SDSL: variants seen among roughly 807,000 people sequenced by gnomAD.
SDSL encodes the protein serine dehydratase-like.
Under a neutral mutation model 27.6 loss-of-function variants are expected in SDSL, and 26 were observed. The observed-to-expected ratio is 0.94, with a 90% CI of 0.69 to 1.31. The LOEUF (loss-of-function observed/expected upper bound fraction) is 1.31. SDSL is among the 50% of genes most tolerant of loss of function. SDSL has a pLI of 0.00. For missense variants in SDSL, 431 were observed against 423.5 expected (o/e 1.02, Z -0.16); for synonymous variants, 196 against 180.6 (o/e 1.09, Z -0.69).
In SDSL at chr12:113,436,762, G is replaced by A; in HGVS notation, c.683G>A (p.Ser228Asn). 3 of 1,608,304 alleles carry A rather than the reference G, an allele frequency of 1.9e-6. No individual in the cohort carries two copies. The highest frequency in any genetic ancestry group is 2.5e-6 in the Non-Finnish European group (3 of 1,178,914). The change falls in exon 7 of 8, where the codon AGC (serine) becomes AAC (asparagine). Residue 228 changes from serine (S) to asparagine (N), a missense_variant. Physicochemically the swap from Ser to Asn is conservative, Grantham distance 46. Coordinates refer to ENST00000403593, the MANE Select transcript of SDSL (RefSeq NM_001304993.2). ...TLPDITSVAK[S>N]LGAKTVAARA... ...GCTCTATCCTGCAGTGTGGCCAAGA[G>A]CCTGGGTGCCAAGACGGTGGCCGCT...
chr12:113,422,826 CT>C (rs1461086732), intron 1 of SDSL: 1 of 152,322 alleles, frequency 6.6e-6, no homozygotes, highest in African/African-American at 2.4e-5. Flanking sequence ...TGGGGAAAGG[CT>C]TTGGGGACAA....
At chr12:113,425,601 C>CTT in intron 1 of SDSL, 1 of 447,142 alleles carries the variant, frequency 2.2e-6, no homozygotes, top group Admixed American at 2.4e-5. Flanking sequence ...GTATTTTTTC[C>CTT]TTTTTTTTTC....
At chr12:113,425,650 C>A (rs773833706) in intron 1 of SDSL, 1 of 455,376 alleles carries the variant, frequency 2.2e-6, no homozygotes, top group South Asian at 1.6e-5. Flanking sequence ...TCCATCTCTT[C>A]TTTTCGTCCT....
chr12:113,429,235 G>T lies in SDSL; in HGVS notation c.290G>T (p.Ser97Ile), dbSNP rs761433763. 6 of 1,613,724 alleles carry T rather than the reference G, an allele frequency of 3.7e-6. No homozygotes were observed. Among genetic ancestry groups the T allele is most frequent in the Non-Finnish European group, 5.1e-6 (6 of 1,179,850 alleles). Residue 97 changes from serine (S) to isoleucine (I), a missense_variant, in exon 4 of 8, where the codon AGC becomes ATC. Transcript: ENST00000403593. Reference sequence around the variant, plus strand: ...CCTGCCACCATCGTGCTCCCCGAGAGCACCTCCCTGCAGGTGGTGCAGAGG... The same window carrying T: ...CCTGCCACCATCGTGCTCCCCGAGATCACCTCCCTGCAGGTGGTGCAGAGG... ...GIPATIVLPE[S>I]TSLQVVQRLQ... is the part of the protein sequence containing the mutation.
intron 4 of SDSL, among the ~76,000 whole-genome samples, chr12:113,430,482 C>T (rs569706443): frequency 1.3e-5 from 2 of 152,214 alleles, no homozygotes; most frequent in South Asian, 4.2e-4. Context: ...GGTGGTTCTG[C>T]TTTGGAATGT....
At chr12:113,425,271 T>G (rs1251158779) in intron 1 of SDSL, among the ~76,000 whole-genome samples, 1 of 152,148 alleles carries the variant, frequency 6.6e-6, no homozygotes, top group Non-Finnish European at 1.5e-5. Flanking sequence ...GGATCAGTGA[T>G]GACCCATGGG....
chr12:113,435,586 G>C (rs757690315), intron 6 of SDSL, 30 bp downstream of exon 6: 5 of 1,577,440 alleles, frequency 3.2e-6, no homozygotes, highest in Non-Finnish European at 4.3e-6. Flanking sequence ...ATTTGTAGGG[G>C]CTGGAGGGTG....
At chr12:113,424,101 G>A (rs569778382) in intron 1 of SDSL, among the ~76,000 whole-genome samples, 13 of 152,126 alleles carry the variant, frequency 8.5e-5, no homozygotes, top group African/African-American at 2.9e-4. Flanking sequence ...TCGCCTCACC[G>A]CAACCTCGCC....
rs1958023830 is a variant in SDSL at position 113,438,064 on chromosome 12, C to G, written c.975C>G (p.His325Gln). Residue 325 changes from histidine (H) to glutamine (Q), a missense_variant, in exon 8 of 8, where the codon CAC (histidine) becomes CAG (glutamine). Coordinates refer to ENST00000403593, the MANE Select transcript of SDSL (RefSeq NM_001304993.2). ...GAGAGCTGCAGGCTTTGAAAACCCACCTGGGCCAGGTCTGAGGGGTCCCAT... is the reference window on the plus strand; with the variant it reads ...GAGAGCTGCAGGCTTTGAAAACCCAGCTGGGCCAGGTCTGAGGGGTCCCAT... ...NSRELQALKT[H>Q]LGQV The G allele has an allele frequency of 6.2e-7, 1 of 1,613,772 alleles. No individual in the cohort carries two copies. The highest frequency in any genetic ancestry group is 8.5e-7 in the Non-Finnish European group (1 of 1,179,826).
At chr12:113,436,293 A>AT (rs1180862493) in intron 6 of SDSL, among the ~76,000 whole-genome samples, 3,013 of 144,072 alleles carry the variant, frequency 0.021, 49 homozygotes, top group African/African-American at 0.046. Context: ...GTGGATGAGC[A>AT]TTTTTTTTTT....
Position 113,435,316 on chromosome 12 carries a change from C to A in SDSL, c.444-13C>A. On this transcript the variant is annotated splice_polypyrimidine_tract_variant and intron_variant, in intron 5 of 7. Coordinates refer to ENST00000403593, the MANE Select transcript of SDSL (RefSeq NM_001304993.2). Reference sequence around the variant, plus strand: ...CCCTCACTCTGCTTCTCCCTCTCACCCCCCCTCCCCAGGAAAGGCCACGCC... The same window carrying A: ...CCCTCACTCTGCTTCTCCCTCTCACACCCCCTCCCCAGGAAAGGCCACGCC... 1 of 1,485,058 alleles carries A rather than the reference C, an allele frequency of 6.7e-7. No homozygotes were observed. Among genetic ancestry groups the A allele is most frequent in the Non-Finnish European group, 9.0e-7 (1 of 1,112,600 alleles). The allele number at this position is 1,485,058 out of a possible 1,614,324, so 92.0% of individuals were successfully genotyped here.
Position 113,435,434 on chromosome 12 carries a change from G to A in SDSL, c.549G>A (p.Val183=). The A allele has an allele frequency of 2.5e-6, 4 of 1,613,780 alleles. No homozygotes were observed. The highest frequency in any genetic ancestry group is 3.4e-6 in the Non-Finnish European group (4 of 1,179,874). ...VGGGGLLAGV[V]AGLLEVGWQH... The stretch of plus-strand genomic sequence containing the variant: ...GTGGGGGTCTCCTGGCCGGGGTGGT[G>A]GCTGGCCTGCTGGAGGTGGGCTGGC... The change falls in exon 6 of 8, where the codon GTG becomes GTA. Residue 183 remains valine (V), a synonymous_variant. Coordinates refer to ENST00000403593, the MANE Select transcript of SDSL (RefSeq NM_001304993.2).
intron 1 of SDSL, among the ~76,000 whole-genome samples, chr12:113,423,564 A>C (rs971439418): frequency 6.6e-6 from 1 of 152,146 alleles, no homozygotes; most frequent in Non-Finnish European, 1.5e-5. Context: ...ACAACTCAGC[A>C]AAACTGCATC....
intron 1 of SDSL, chr12:113,426,211 G>T (rs961970836): frequency 1.5e-5 from 7 of 455,820 alleles, no homozygotes; most frequent in South Asian, 1.1e-4. Flanking sequence ...TCTCCCTCGA[G>T]GTGGTCCTGG....
chr12:113,437,677 TAG>T (rs1262424397), intron 7 of SDSL, among the ~76,000 whole-genome samples: 4 of 151,920 alleles, frequency 2.6e-5, no homozygotes, highest in East Asian at 3.9e-4. Context: ...GATGGATGGA[TAG>T]AGAGATAAAA....
intron 5 of SDSL, 132 bp from the exon 6 acceptor site, chr12:113,435,196 TG>T: frequency 1.8e-6 from 1 of 551,746 alleles, no homozygotes; most frequent in Non-Finnish European, 3.2e-6. Flanking sequence ...GTGGATGGGA[TG>T]GGGATGGTGG....
intron 7 of SDSL, 51 bp from the exon 8 acceptor site, chr12:113,437,835 G>A (rs746461054): frequency 1.3e-5 from 20 of 1,512,726 alleles, no homozygotes; most frequent in East Asian, 4.6e-5. Context: ...GCTGAGCACC[G>A]AGTGGTTCTT....
chr12:113,434,027 C>T, intron 4 of SDSL, 107 bp from the exon 5 acceptor site: 3 of 880,030 alleles, frequency 3.4e-6, no homozygotes, highest in Non-Finnish European at 5.4e-6. Context: ...CAGGGCTGTC[C>T]CCAGACTACT....
intron 4 of SDSL, among the ~76,000 whole-genome samples, chr12:113,430,253 GATT>G (rs1460657733): frequency 3.9e-5 from 6 of 152,150 alleles, no homozygotes; most frequent in Admixed American, 3.9e-4. Context: ...ATAAATTTGA[GATT>G]ATTATGAGGA....
Sources: gnomAD v4.1 joint callset for allele counts (sites outside exome capture counted in the v4.1 genomes callset) on GRCh38, gnomAD v4.1.1 for gene constraint, MANE v1.5 for transcripts, NCBI Gene and HGNC (gene_info 2026-07-23, HGNC 2026-07-21) for gene names.